MAPK7: variants seen among roughly 807,000 people sequenced by gnomAD.
The protein encoded by MAPK7 is BMK-1.
In MAPK7, 30 loss-of-function variants were observed where a neutral mutation model predicts 56.9. The observed-to-expected ratio is 0.53, with a 90% CI of 0.39 to 0.72. MAPK7 has a LOEUF of 0.72. Ranked by LOEUF, MAPK7 falls within the 30% of genes least tolerant of loss-of-function variation. The probability of loss-of-function intolerance (pLI) is 0.00; values close to 1 mark genes in which losing one functional copy is unlikely to be tolerated. For synonymous variants in MAPK7, 516 were observed against 449.3 expected, an observed-to-expected ratio of 1.15 and a Z score of -1.88; for missense variants, 952 against 1,110.8, an observed-to-expected ratio of 0.86 and a Z score of 2.03.
upstream of MAPK7, chr17:19,377,854 G>C: frequency 2.0e-6 from 2 of 985,434 alleles, no homozygotes; most frequent in Non-Finnish European, 2.4e-6. Context: ...GCGGAGGGAA[G>C]ATACCTAGAA....
rs375097687 is a variant in MAPK7 at position 19,381,316 on chromosome 17, C to T, written c.1107C>T (p.Arg369=). ...CGCCCTTTGACTTTGCCTTTGACCGCGAAGCCCTCACTCGGGAGCGCATTA... is the reference window on the plus strand; with the variant it reads ...CGCCCTTTGACTTTGCCTTTGACCGTGAAGCCCTCACTCGGGAGCGCATTA... The part of the protein sequence containing the change: ...CAPPFDFAFD[R]EALTRERIKE... Residue 369 remains arginine (R), a synonymous_variant, in exon 4 of 7, where the codon CGC becomes CGT. Transcript: ENST00000395604. This position sits in a 1 kb window ranked among gnomAD's most constrained non-coding sequence, Gnocchi z 4.6. 1.1e-5 allele frequency: 17 copies of T among 1,613,980 alleles called. No individual in the cohort carries two copies. Among genetic ancestry groups the T allele is most frequent in the Admixed American group, 1.0e-4 (6 of 60,004 alleles).
In MAPK7 at chr17:19,381,791, C is replaced by T. The variant is rs749050296; in HGVS notation, c.1488C>T (p.Ser496=). 63 of 1,545,660 alleles carry T rather than the reference C, an allele frequency of 4.1e-5. No homozygotes were observed. In the Admixed American group the frequency reaches 8.7e-4, roughly 21 times the overall value. The change falls in exon 5 of 7, where the codon AGC becomes AGT. Residue 496 remains serine (S), a synonymous_variant. Transcript: ENST00000395604. The surrounding 1 kb of genome is among the most constrained non-coding windows in gnomAD (Gnocchi z 4.6). The part of the protein sequence containing the change: ...SLRSRLRDGP[S]APLEAPEPRK... ...CCAACTTCCCCGCAGATGGCCCCAG[C>T]GCACCCCTGGAGGCTCCTGAGCCTC... is the stretch of plus-strand genomic sequence containing the variant.
At chr17:19,377,793 G>A, upstream of MAPK7, 6 of 979,964 alleles carry the variant, frequency 6.1e-6, no homozygotes, top group South Asian at 4.7e-5. Flanking sequence ...CGGCCGCCTC[G>A]GTTAACTCCG....
In MAPK7 at chr17:19,381,041, C is replaced by A; in HGVS notation, c.832C>A (p.Leu278Met). 1 of 1,614,080 alleles carries A rather than the reference C, an allele frequency of 6.2e-7. No homozygotes were observed. Among genetic ancestry groups the A allele is most frequent in the Non-Finnish European group, 8.5e-7 (1 of 1,179,996 alleles). The part of the protein sequence containing the change: ...VHQLQLIMMV[L>M]GTPSPAVIQA... ...CCAGCTACAGCTCATCATGATGGTG[C>A]TGGGTACCCCATCACCAGCCGTGAT... Residue 278 changes from leucine (L) to methionine (M), a missense_variant, in exon 4 of 7, where the codon CTG becomes ATG. Around this residue, in one of 5 missense-constraint regions of MAPK7, gnomAD observed 429 missense variants for 533.0 expected, o/e 0.80. Coordinates refer to ENST00000395604, the MANE Select transcript of MAPK7 (RefSeq NM_002749.4). The surrounding 1 kb of genome is among the most constrained non-coding windows in gnomAD (Gnocchi z 4.6).
At chr17:19,379,413 T>C in intron 2 of MAPK7, 2 of 566,144 alleles carry the variant, frequency 3.5e-6, no homozygotes. Flanking sequence ...AAGAGAGAAA[T>C]GTGTTCTGGA....
Position 19,383,150 on chromosome 17 carries a change from C to A in MAPK7, c.2370C>A (p.Ala790=). The stretch of plus-strand genomic sequence containing the variant: ...TCGAAGGCCATGGCATGAACCCTGC[C>A]GATATTGAGTCCCTGCAGCGTGAGA... ...DWLEGHGMNP[A]DIESLQREIQ... Residue 790 remains alanine (A), a synonymous_variant, in exon 7 of 7, where the codon GCC becomes GCA. Coordinates refer to ENST00000395604, the MANE Select transcript of MAPK7 (RefSeq NM_002749.4). 1 of 1,614,088 alleles carries A rather than the reference C, an allele frequency of 6.2e-7. No homozygotes were observed. The highest frequency in any genetic ancestry group is 8.5e-7 in the Non-Finnish European group (1 of 1,180,020).
Position 19,382,157 on chromosome 17 carries a change from A to G in MAPK7, c.1854A>G (p.Pro618=). 1 of 1,610,724 alleles carries G rather than the reference A, an allele frequency of 6.2e-7. No individual in the cohort carries two copies. ...TAGCCCAGCCCACTGGCCCGCAACC[A>G]CAATCTGCGGGCTCTACCTCTGGCC... is the stretch of plus-strand genomic sequence containing the variant. ...GPVAQPTGPQ[P]QSAGSTSGPV... is the part of the protein sequence containing the mutation. The change falls in exon 5 of 7, where the codon CCA becomes CCG. Residue 618 remains proline, a synonymous_variant. Transcript: ENST00000395604.
chr17:19,380,636 G>A lies in MAPK7; in HGVS notation c.427G>A (p.Asp143Asn), dbSNP rs762820642. Reference sequence around the variant, plus strand: ...CGTGGTCCTGGACCTGATGGAAAGCGACCTGCACCAGATCATCCACTCCTC... The same window carrying A: ...CGTGGTCCTGGACCTGATGGAAAGCAACCTGCACCAGATCATCCACTCCTC... ...VYVVLDLMES[D>N]LHQIIHSSQP... is the part of the protein sequence containing the mutation. The change falls in exon 4 of 7, where the codon GAC becomes AAC. Residue 143 changes from aspartate to asparagine, a missense_variant. Coordinates refer to ENST00000395604, the MANE Select transcript of MAPK7 (RefSeq NM_002749.4). The A allele has an allele frequency of 6.8e-6, 11 of 1,607,264 alleles. No homozygotes were observed. The highest frequency in any genetic ancestry group is 2.2e-5 in the East Asian group (1 of 44,710).
chr17:19,382,142 C>T lies in MAPK7; in HGVS notation c.1839C>T (p.Pro613=). 3 of 1,612,528 alleles carry T rather than the reference C, an allele frequency of 1.9e-6. No individual in the cohort carries two copies. The highest frequency in any genetic ancestry group is 8.5e-7 in the Non-Finnish European group (1 of 1,179,746). Residue 613 remains proline, a synonymous_variant, in exon 5 of 7, where the codon CCC becomes CCT. Transcript: ENST00000395604. ...TSPPPGPVAQ[P]TGPQPQSAGS... ...CTCCTCCTGGCCCTGTAGCCCAGCC[C>T]ACTGGCCCGCAACCACAATCTGCGG... is the stretch of plus-strand genomic sequence containing the variant.
In MAPK7 at chr17:19,379,038, T is replaced by C; in HGVS notation, c.138T>C (p.Asp46=). The C allele has an allele frequency of 2.5e-6, 4 of 1,614,082 alleles. No individual in the cohort carries two copies. Among genetic ancestry groups the C allele is most frequent in the Non-Finnish European group, 3.4e-6 (4 of 1,179,998 alleles). The change falls in exon 2 of 7, where the codon GAT becomes GAC. Residue 46 remains aspartate, a synonymous_variant. Coordinates refer to ENST00000395604, the MANE Select transcript of MAPK7 (RefSeq NM_002749.4). ...NLALLKARSF[D]VTFDVGDEYE... ...CCCTGCTTAAAGCCCGCTCCTTCGATGTGACCTTTGACGTGGGCGACGAGT... is the reference window on the plus strand; with the variant it reads ...CCCTGCTTAAAGCCCGCTCCTTCGACGTGACCTTTGACGTGGGCGACGAGT...
At chr17:19,379,745 G>A in intron 2 of MAPK7, 37 bp from the exon 3 acceptor site, 1 of 1,599,382 alleles carries the variant, frequency 6.3e-7, no homozygotes, top group Non-Finnish European at 8.5e-7. Context: ...GTTTCTCCAA[G>A]GTATCCTCTG....
At position 19,382,077 on chromosome 17, in the gene MAPK7, GCGCCAA is replaced by G; in HGVS notation, c.1782_1787del (p.Thr598_Pro599del). ...CACCTCTGTGCCGGCCCCTGCCCCA[GCGCCAA>G]CGCCAACCCCAACCCCAGTCCAACC... On this transcript the variant is annotated inframe_deletion, in exon 5 of 7. Transcript: ENST00000395604. 6.2e-7 allele frequency: 1 copy of G among 1,600,310 alleles called. No individual in the cohort carries two copies. Among genetic ancestry groups the G allele is most frequent in the Non-Finnish European group, 8.5e-7 (1 of 1,174,040 alleles).
In MAPK7 at chr17:19,381,335, C is replaced by A; in HGVS notation, c.1126C>A (p.Arg376Ser). 5.0e-6 allele frequency: 8 copies of A among 1,614,126 alleles called. No homozygotes were observed. The highest frequency in any genetic ancestry group is 6.8e-6 in the Non-Finnish European group (8 of 1,180,050). Residue 376 changes from arginine (R) to serine (S), a missense_variant, in exon 4 of 7, where the codon CGC (arginine) becomes AGC (serine). Physicochemically the swap from Arg to Ser is moderately radical, Grantham distance 110 (BLOSUM62 -1). This residue lies in a region of MAPK7 where 429 missense variants were observed against 533.0 expected (regional missense o/e 0.80). Transcript: ENST00000395604. The surrounding 1 kb of genome is among the most constrained non-coding windows in gnomAD (Gnocchi z 4.6). ...TGACCGCGAAGCCCTCACTCGGGAG[C>A]GCATTAAGGAGGCCATTGTGGCTGA... ...AFDREALTRE[R>S]IKEAIVAEIE...
rs766960675 is a variant in MAPK7, at chr17:19,379,972, G to T, written c.398+25G>T. On this transcript the variant is annotated intron_variant, in intron 3 of 6. Coordinates refer to ENST00000395604, the MANE Select transcript of MAPK7 (RefSeq NM_002749.4). ...TGTAAGAAGCGGGATGGGAGAGGGA[G>T]CCAGACTTGGGACTTTTCTGAAGGC... 2.6e-5 allele frequency: 41 copies of T among 1,603,762 alleles called. No individual in the cohort carries two copies. The East Asian group carries it at 8.5e-4, about 33-fold the overall frequency.
intron 3 of MAPK7, 193 bp downstream of exon 3, chr17:19,380,140 A>G (rs1959288778): frequency 4.7e-6 from 3 of 637,380 alleles, no homozygotes; most frequent in Non-Finnish European, 8.0e-6. Context: ...AGATGATTTT[A>G]CAGTTTTATA....
chr17:19,379,587 C>A, intron 2 of MAPK7, 195 bp from the exon 3 acceptor site: 1 of 600,848 alleles, frequency 1.7e-6, no homozygotes, highest in Non-Finnish European at 2.9e-6. Context: ...GGGACCTGCC[C>A]CGCAGGGGAG....
Position 19,378,914 on chromosome 17 carries a change from T to C in MAPK7, c.14T>C (p.Leu5Pro). The C allele has an allele frequency of 1.9e-6, 3 of 1,573,486 alleles. No homozygotes were observed. Among genetic ancestry groups the C allele is most frequent in the Non-Finnish European group, 2.6e-6 (3 of 1,158,750 alleles). ...CACACAGACACCATGGCCGAGCCTC[T>C]GAAGGAGGAAGACGGCGAGGACGGC... MAEP[L>P]KEEDGEDGSA... The change falls in exon 2 of 7, where the codon CTG becomes CCG. Residue 5 changes from leucine (L) to proline (P), a missense_variant. Physicochemically the swap from Leu to Pro is moderately conservative, Grantham distance 98 (BLOSUM62 -3). Around this residue, in one of 5 missense-constraint regions of MAPK7, gnomAD observed 213 missense variants for 243.2 expected, o/e 0.88. Transcript: ENST00000395604. This position sits in a 1 kb window ranked among gnomAD's most constrained non-coding sequence, Gnocchi z 5.4.
chr17:19,381,124 G>A lies in MAPK7; in HGVS notation c.915G>A (p.Gln305=). Reference sequence around the variant, plus strand: ...ATATCCAGAGCTTGCCACCACGCCAGCCTGTGCCCTGGGAGACAGTGTACC... The same window carrying A: ...ATATCCAGAGCTTGCCACCACGCCAACCTGTGCCCTGGGAGACAGTGTACC... ...RAYIQSLPPR[Q]PVPWETVYPG... Residue 305 remains glutamine (Q), a synonymous_variant, in exon 4 of 7, where the codon CAG becomes CAA. Coordinates refer to ENST00000395604, the MANE Select transcript of MAPK7 (RefSeq NM_002749.4). The surrounding 1 kb of genome is among the most constrained non-coding windows in gnomAD (Gnocchi z 4.6). 6.2e-7 allele frequency: 1 copy of A among 1,613,984 alleles called. No individual in the cohort carries two copies. The highest frequency in any genetic ancestry group is 8.5e-7 in the Non-Finnish European group (1 of 1,179,986).
chr17:19,379,964 G>A lies in MAPK7; in HGVS notation c.398+17G>A. 1.9e-6 allele frequency: 3 copies of A among 1,608,186 alleles called. No homozygotes were observed. The highest frequency in any genetic ancestry group is 2.6e-6 in the Non-Finnish European group (3 of 1,175,776). On this transcript the variant is annotated intron_variant, in intron 3 of 6. Coordinates refer to ENST00000395604, the MANE Select transcript of MAPK7 (RefSeq NM_002749.4). ...CAAATCTGTGTAAGAAGCGGGATGG[G>A]AGAGGGAGCCAGACTTGGGACTTTT...
Sources: gnomAD v4.1 joint callset for allele counts on GRCh38, gnomAD v4.1.1 for gene constraint, gnomAD v4.1.1 regional missense constraint, Gnocchi (gnomAD v3.1) non-coding constraint, MANE v1.5 for transcripts, NCBI Gene and HGNC (gene_info 2026-07-23, HGNC 2026-07-21) for gene names.